Variants in DPP6 observed in about 807,000 individuals in gnomAD.
The protein encoded by DPP6 is A-type potassium channel modulatory protein DPP6.
In DPP6, 69 loss-of-function variants were observed where a neutral mutation model predicts 122.6. The ratio of observed to expected loss-of-function variants is 0.56; its 90% CI spans 0.46 to 0.69. The LOEUF (loss-of-function observed/expected upper bound fraction) is 0.69. Among genes scored for constraint, DPP6 ranks in the 30% least tolerant of loss-of-function variants. DPP6 has a pLI of 0.00. For missense variants in DPP6, 928 were observed against 1,116.9 expected (o/e 0.83, Z 2.41); for synonymous variants, 418 against 433.1 (o/e 0.97, Z 0.43).
intron 1 of DPP6, among the ~76,000 whole-genome samples, chr7:154,253,202 A>G (rs772287998): frequency 6.6e-6 from 1 of 151,998 alleles, no homozygotes; most frequent in Non-Finnish European, 1.5e-5. Context: ...AGATTAGTTG[A>G]CTGTGAAAAG....
intron 1 of DPP6, among the ~76,000 whole-genome samples, chr7:153,966,503 T>C (rs1795731491): frequency 7.3e-6 from 1 of 137,068 alleles, no homozygotes; most frequent in African/African-American, 2.7e-5. Flanking sequence ...TTCATCTTCC[T>C]CTCCTCCTGC....
At chr7:153,988,589 A>G (rs1403223576) in intron 1 of DPP6, among the ~76,000 whole-genome samples, 8 of 152,164 alleles carry the variant, frequency 5.3e-5, no homozygotes, top group African/African-American at 1.9e-4. Flanking sequence ...CAGCCCCATG[A>G]GTCAAGGAGG....
At chr7:154,712,454 A>G (rs1841245049) in intron 7 of DPP6, among the ~76,000 whole-genome samples, 1 of 152,214 alleles carries the variant, frequency 6.6e-6, no homozygotes, top group Admixed American at 6.5e-5. Context: ...AATCCTCTAG[A>G]GAATTCCAGT....
At chr7:154,883,031 A>G (rs1805528850) in intron 21 of DPP6, among the ~76,000 whole-genome samples, 1 of 131,400 alleles carries the variant, frequency 7.6e-6, no homozygotes, top group South Asian at 2.3e-4. Context: ...GCTCACCCAT[A>G]CACATGCTCA....
chr7:153,771,637 G>GC, the DPP6 span, among the ~76,000 whole-genome samples: 2 of 152,288 alleles, frequency 1.3e-5, no homozygotes, highest in South Asian at 4.2e-4. Flanking sequence ...ACCACACCTG[G>GC]CCCCCCTGAA....
At chr7:154,867,958 A>G (rs1468809193) in intron 17 of DPP6, 37 bp from the exon 18 acceptor site, 4 of 1,556,510 alleles carry the variant, frequency 2.6e-6, no homozygotes, top group African/African-American at 1.4e-5. Context: ...ATGAGTGACC[A>G]CTGCATCTCA....
intron 1 of DPP6, among the ~76,000 whole-genome samples, chr7:154,123,134 A>G (rs1323081052): frequency 6.6e-6 from 1 of 152,192 alleles, no homozygotes; most frequent in Middle Eastern, 3.2e-3. Context: ...AAACCATAAT[A>G]AAGAATATGA....
intron 1 of DPP6, among the ~76,000 whole-genome samples, chr7:153,918,887 G>C (rs527733168): frequency 6.8e-6 from 1 of 147,656 alleles, no homozygotes; most frequent in East Asian, 2.1e-4. Context: ...GCTGAGGCAT[G>C]AGAATTGCTT....
chr7:154,010,872 G>A (rs1798123987), intron 1 of DPP6, among the ~76,000 whole-genome samples: 1 of 152,174 alleles, frequency 6.6e-6, no homozygotes, highest in African/African-American at 2.4e-5. Context: ...AACCCTTGAA[G>A]AATGGTATTT....
intron 1 of DPP6, among the ~76,000 whole-genome samples, chr7:154,066,934 A>G (rs1397677548): frequency 2.0e-5 from 3 of 149,898 alleles, no homozygotes; most frequent in Non-Finnish European, 4.4e-5. Flanking sequence ...CTGTCTATCT[A>G]TACCATCCAA....
intron 6 of DPP6, among the ~76,000 whole-genome samples, chr7:154,663,236 TG>T (rs1837879830): frequency 2.9e-5 from 2 of 67,870 alleles, no homozygotes; most frequent in Non-Finnish European, 8.0e-5. Flanking sequence ...CATATAGTCA[TG>T]GTGAATCACC....
chr7:154,517,772 C>T (rs1826642205), intron 3 of DPP6, among the ~76,000 whole-genome samples: 2 of 152,132 alleles, frequency 1.3e-5, no homozygotes, highest in South Asian at 4.2e-4. Flanking sequence ...GTCCGGAAAG[C>T]AAAAGCAAAA....
rs373530414 is a variant in DPP6 at position 154,889,539 on chromosome 7, C to T, written c.2451+9C>T. 69 of 1,600,918 alleles carry T rather than the reference C, an allele frequency of 4.3e-5. 1 individual carries two copies. The highest frequency in any genetic ancestry group is 1.5e-4 in the Admixed American group (9 of 58,284). ...CTAATTACAGCTTACAGGTACAGTA[C>T]GCATGTTACTCTGTTTTGAACCTGG... On this transcript the variant is annotated intron_variant, in intron 25 of 25. Coordinates refer to ENST00000377770, the MANE Select transcript of DPP6 (RefSeq NM_130797.4).
intron 2 of DPP6, among the ~76,000 whole-genome samples, chr7:154,451,998 C>T (rs966155936): frequency 1.3e-5 from 2 of 152,212 alleles, no homozygotes; most frequent in Non-Finnish European, 2.9e-5. Context: ...CATAAAATTC[C>T]ATCAGGCAGA....
At chr7:154,313,213 G>A (rs1441352673) in intron 1 of DPP6, among the ~76,000 whole-genome samples, 1 of 152,142 alleles carries the variant, frequency 6.6e-6, no homozygotes, top group Non-Finnish European at 1.5e-5. Context: ...AGGGGGAAAG[G>A]AGAGCTGGAT....
chr7:154,346,941 A>G (rs1810448175), intron 1 of DPP6, among the ~76,000 whole-genome samples: 1 of 152,040 alleles, frequency 6.6e-6, no homozygotes, highest in Non-Finnish European at 1.5e-5. Context: ...TTTTCCTTTC[A>G]TGTAGTTCTA....
At chr7:154,793,924 A>T in intron 10 of DPP6, 155 bp from the exon 11 acceptor site, 1 of 1,260,654 alleles carries the variant, frequency 7.9e-7, no homozygotes, top group African/African-American at 1.5e-5. Flanking sequence ...CAGATTCTTT[A>T]TAAGCCAGAT....
rs1200314337 is a variant in DPP6 at position 154,618,413 on chromosome 7, A to G, written c.628-19408A>G. ...GCTGGATTTCAGACCCTTCCTGTGC[A>G]CACACACTGTTGCTTGCCCAGACAT... On this transcript the variant is annotated intron_variant, in intron 5 of 25. Transcript: ENST00000377770. This position sits in a 1 kb window ranked among gnomAD's most constrained non-coding sequence, Gnocchi z 4.1. 6.6e-6 allele frequency among the ~76,000 whole-genome samples: 1 copy of G among 152,178 alleles called. No individual in the cohort carries two copies. Among genetic ancestry groups the G allele is most frequent in the Non-Finnish European group, 1.5e-5 (1 of 68,018 alleles).
At chr7:153,952,224 A>G (rs1423421883) in intron 1 of DPP6, among the ~76,000 whole-genome samples, 1 of 152,216 alleles carries the variant, frequency 6.6e-6, no homozygotes, top group Non-Finnish European at 1.5e-5. Flanking sequence ...TATATGCTCA[A>G]TTAATGTGAT....
Sources: allele counts gnomAD v4.1 joint callset (sites outside exome capture counted in the v4.1 genomes callset), GRCh38; gene constraint gnomAD v4.1.1; non-coding constraint Gnocchi (gnomAD v3.1); transcripts MANE v1.5; gene names NCBI Gene and HGNC (gene_info 2026-07-23, HGNC 2026-07-21).